Variants in ATRX observed in about 807,000 individuals in gnomAD.
The protein encoded by ATRX is ATRX chromatin remodeler, also known as chromatin remodeler ATRX.
In ATRX, 12 loss-of-function variants were observed where a neutral mutation model predicts 172.6. The observed-to-expected ratio is 0.07, with a 90% CI of 0.04 to 0.11. The LOEUF (loss-of-function observed/expected upper bound fraction) is 0.11. ATRX is among the 10% of genes least tolerant of loss of function. The pLI is 1.00. For missense variants in ATRX, 1,368 were observed against 1,767.4 expected (o/e 0.77, Z 4.05); for synonymous variants, 674 against 594.7 (o/e 1.13, Z -1.94).
chrX:77,662,172 T>C (rs1235487447), intron 12 of ATRX, among the ~76,000 whole-genome samples: 3 of 111,460 alleles, frequency 2.7e-5, no homozygotes, highest in African/African-American at 9.8e-5. Context: ...TCCCTCATGG[T>C]GCTATAATTT....
intron 2 of ATRX, among the ~76,000 whole-genome samples, chrX:77,703,919 T>A (rs782569749): frequency 3.6e-5 from 4 of 111,023 alleles, no homozygotes; most frequent in Non-Finnish European, 7.6e-5. Context: ...CTACAAGTGT[T>A]CAGCTCCTAG....
intron 15 of ATRX, among the ~76,000 whole-genome samples, chrX:77,641,025 G>A (rs2068628264): frequency 9.0e-6 from 1 of 111,392 alleles, no homozygotes; most frequent in East Asian, 2.8e-4. Flanking sequence ...AGGGCATTCA[G>A]TAGAGACCAC....
At chrX:77,606,954 C>T (rs5912626) in intron 22 of ATRX, among the ~76,000 whole-genome samples, 1,404 of 110,834 alleles carry the variant, frequency 0.013, 11 homozygotes, top group South Asian at 0.051. Flanking sequence ...AATAAAAAGC[C>T]CTAAAAAACT....
chrX:77,672,072 T>C (rs1176573971), intron 10 of ATRX, among the ~76,000 whole-genome samples: 1 of 110,504 alleles, frequency 9.0e-6, no homozygotes, highest in East Asian at 2.8e-4. Context: ...ACAAAGGAAA[T>C]TGAAAAAAAA....
At chrX:77,774,875 T>G (rs1557201461) in intron 1 of ATRX, among the ~76,000 whole-genome samples, 1 of 107,334 alleles carries the variant, frequency 9.3e-6, no homozygotes, top group Admixed American at 1.0e-4. Context: ...ACCGGCTAAT[T>G]TAGTACTTTT....
At chrX:77,516,062 T>C (rs1208073795) in intron 34 of ATRX, among the ~76,000 whole-genome samples, 1 of 110,953 alleles carries the variant, frequency 9.0e-6, no homozygotes, top group African/African-American at 3.3e-5. Context: ...TAACAGACAC[T>C]GGGGCTGACC....
intron 15 of ATRX, among the ~76,000 whole-genome samples, chrX:77,641,276 T>C (rs181118206): frequency 1.6e-4 from 18 of 110,892 alleles, no homozygotes; most frequent in Non-Finnish European, 2.8e-4. Context: ...GTGAGACAGC[T>C]GATTAAAAAT....
intron 5 of ATRX, 125 bp downstream of exon 5, chrX:77,696,452 C>G: frequency 2.8e-6 from 2 of 721,348 alleles, no homozygotes. Context: ...TTCTAGACAA[C>G]CACTAGGAAA....
intron 28 of ATRX, among the ~76,000 whole-genome samples, chrX:77,573,153 T>C (rs931314449): frequency 8.9e-6 from 1 of 112,114 alleles, no homozygotes; most frequent in Non-Finnish European, 1.9e-5. Context: ...ACAGACAGCA[T>C]GTACAAAGGC....
At chrX:77,562,589 G>C (rs1336065640) in intron 28 of ATRX, among the ~76,000 whole-genome samples, 1 of 111,889 alleles carries the variant, frequency 8.9e-6, no homozygotes, top group East Asian at 2.8e-4. Flanking sequence ...CTGTCTCCCA[G>C]GTTGGAGTGC....
intron 2 of ATRX, among the ~76,000 whole-genome samples, chrX:77,716,253 T>C (rs1557164820): frequency 1.3e-5 from 1 of 78,606 alleles, no homozygotes; most frequent in African/African-American, 5.4e-5. Context: ...GAGCTATGAT[T>C]ACACCACTAC....
At chrX:77,726,856 T>C (rs1338955310) in intron 1 of ATRX, among the ~76,000 whole-genome samples, 1 of 110,095 alleles carries the variant, frequency 9.1e-6, no homozygotes, top group Non-Finnish European at 1.9e-5. Context: ...TAGGCCATGA[T>C]CATTACCATG....
At chrX:77,708,810 G>A (rs907589977) in intron 2 of ATRX, among the ~76,000 whole-genome samples, 2 of 112,297 alleles carry the variant, frequency 1.8e-5, no homozygotes, top group Admixed American at 9.4e-5. Context: ...GGTGATGGTT[G>A]TACATATGTG....
chrX:77,705,018 T>A, intron 2 of ATRX, among the ~76,000 whole-genome samples: 1 of 111,498 alleles, frequency 9.0e-6, no homozygotes, highest in African/African-American at 3.3e-5. Context: ...AGGGTGGGAC[T>A]CCAGCCTGCT....
At chrX:77,765,016 AATT>A (rs1216673516) in intron 1 of ATRX, among the ~76,000 whole-genome samples, 2 of 110,717 alleles carry the variant, frequency 1.8e-5, no homozygotes, top group Non-Finnish European at 3.8e-5. Flanking sequence ...CCTCTACAAA[AATT>A]AGTCAGGTGT....
rs185671375 is a variant in ATRX at position 77,703,738 on chromosome X, T to C, written c.134-5109A>G. 2.5e-4 allele frequency among the ~76,000 whole-genome samples: 28 copies of C among 112,026 alleles called. No individual in the cohort carries two copies. In the East Asian group the frequency reaches 6.8e-3, roughly 27 times the overall value. ...GTTCTTGTCCTGCACCCAAGAAGAATGAGGTGCATAGAAAAGTGGAGAGTA... is the reference window on the plus strand; with the variant it reads ...GTTCTTGTCCTGCACCCAAGAAGAACGAGGTGCATAGAAAAGTGGAGAGTA... On this transcript the variant is annotated intron_variant, in intron 2 of 34. Coordinates refer to ENST00000373344, the MANE Select transcript of ATRX (RefSeq NM_000489.6).
At position 77,599,718 on chromosome X, in the gene ATRX, A is replaced by C; in HGVS notation, c.5786+14T>G. 4 of 1,204,185 alleles carry C rather than the reference A, an allele frequency of 3.3e-6. No individual in the cohort carries two copies. The highest frequency in any genetic ancestry group is 4.5e-6 in the Non-Finnish European group (4 of 888,919). ...TTGTCAATACAGGATGGCACGAAAA[A>C]GTATTCGATTTACTTTGTATAATCA... On this transcript the variant is annotated intron_variant, in intron 24 of 34. Coordinates refer to ENST00000373344, the MANE Select transcript of ATRX (RefSeq NM_000489.6).
At chrX:77,639,552 T>C (rs2068554030) in intron 15 of ATRX, among the ~76,000 whole-genome samples, 1 of 111,843 alleles carries the variant, frequency 8.9e-6, no homozygotes. Context: ...CAAATAAGTT[T>C]GTCTTAAGAG....
At chrX:77,742,015 G>A (rs927609450) in intron 1 of ATRX, among the ~76,000 whole-genome samples, 2 of 111,159 alleles carry the variant, frequency 1.8e-5, no homozygotes, top group African/African-American at 6.5e-5. Context: ...ACATATAGAG[G>A]GTTTTATTTT....
Sources: gnomAD v4.1 joint callset for allele counts (sites outside exome capture counted in the v4.1 genomes callset) on GRCh38, gnomAD v4.1.1 for gene constraint, MANE v1.5 for transcripts, NCBI Gene and HGNC (gene_info 2026-07-23, HGNC 2026-07-21) for gene names.